The following EYA2 variants were observed in gnomAD, a reference collection of about 807,000 sequenced individuals.
EYA2 encodes EYA transcriptional coactivator and phosphatase 2.
Under a neutral mutation model 69.2 loss-of-function variants are expected in EYA2, and 31 were observed. The ratio of observed to expected loss-of-function variants is 0.45; its 90% CI spans 0.34 to 0.60. The LOEUF (loss-of-function observed/expected upper bound fraction) is 0.60, where lower values mean the gene tolerates loss of function less well. Ranked by LOEUF, EYA2 falls within the 20% of genes least tolerant of loss-of-function variation. EYA2 has a pLI of 0.02. For missense variants in EYA2, 622 were observed against 701.2 expected, an observed-to-expected ratio of 0.89 and a Z score of 1.28; for synonymous variants, 257 against 279.4, an observed-to-expected ratio of 0.92 and a Z score of 0.80.
intron 9 of EYA2, among the ~76,000 whole-genome samples, chr20:47,131,279 G>A (rs984715793): frequency 6.6e-6 from 1 of 151,988 alleles, no homozygotes; most frequent in Non-Finnish European, 1.5e-5. Context: ...TAATATCCTT[G>A]GCACCCCCAA....
chr20:46,897,930 C>CTG (rs139575365), intron 1 of EYA2, among the ~76,000 whole-genome samples: 6 of 151,606 alleles, frequency 4.0e-5, no homozygotes, highest in East Asian at 1.9e-4. Context: ...TAGGTGTATG[C>CTG]TGTGTGTGTG....
At chr20:47,127,381 A>T (rs2033220034) in intron 9 of EYA2, among the ~76,000 whole-genome samples, 2 of 152,140 alleles carry the variant, frequency 1.3e-5, no homozygotes, top group Non-Finnish European at 2.9e-5. Flanking sequence ...AGGCGAGAGG[A>T]TCACCTGAGG....
chr20:47,065,842 TTGTC>T (rs1382327891), intron 5 of EYA2, among the ~76,000 whole-genome samples: 3 of 152,208 alleles, frequency 2.0e-5, no homozygotes, highest in African/African-American at 7.2e-5. Flanking sequence ...CACTGCGTCT[TTGTC>T]TGTCTGGAAT....
chr20:47,055,693 C>T (rs542940995), intron 5 of EYA2, among the ~76,000 whole-genome samples: 4 of 152,320 alleles, frequency 2.6e-5, no homozygotes, highest in South Asian at 2.1e-4. Flanking sequence ...TCTGTCCCCA[C>T]GTCTTCATGA....
At chr20:46,981,640 A>T (rs1980839491) in intron 1 of EYA2, among the ~76,000 whole-genome samples, 1 of 152,234 alleles carries the variant, frequency 6.6e-6, no homozygotes, top group Non-Finnish European at 1.5e-5. Flanking sequence ...TAATTTTGGA[A>T]AAAATAAACT....
intron 1 of EYA2, among the ~76,000 whole-genome samples, chr20:46,959,830 C>G (rs1979364613): frequency 6.6e-6 from 1 of 152,130 alleles, no homozygotes; most frequent in Non-Finnish European, 1.5e-5. Flanking sequence ...CTGTCATTGT[C>G]CTGCACCTGG....
chr20:46,996,052 A>G (rs1178231967), intron 2 of EYA2, among the ~76,000 whole-genome samples: 4 of 152,262 alleles, frequency 2.6e-5, no homozygotes, highest in Admixed American at 2.0e-4. Context: ...TTCTTTGGAA[A>G]GAACATCAAC....
At chr20:47,075,105 C>T (rs1330823001) in intron 7 of EYA2, among the ~76,000 whole-genome samples, 1 of 152,210 alleles carries the variant, frequency 6.6e-6, no homozygotes, top group Non-Finnish European at 1.5e-5. Context: ...GAGTGAAACT[C>T]CATCTCAAAA....
intron 5 of EYA2, among the ~76,000 whole-genome samples, chr20:47,029,095 T>C (rs1294833974): frequency 6.6e-6 from 1 of 152,244 alleles, no homozygotes. Context: ...TTGCTAACTG[T>C]GTTCTCTATC....
chr20:47,024,763 T>G (rs1357492574), intron 5 of EYA2, among the ~76,000 whole-genome samples: 2 of 152,236 alleles, frequency 1.3e-5, no homozygotes, highest in African/African-American at 4.8e-5. Flanking sequence ...TCACTGTCCA[T>G]GCCTAAGGCC....
At chr20:47,095,984 A>G (rs906361240) in intron 8 of EYA2, 5 of 152,250 alleles carry the variant, frequency 3.3e-5, no homozygotes, top group African/African-American at 1.2e-4. Flanking sequence ...GAGGATAGAT[A>G]TCTCCAATAC....
At chr20:47,107,791 G>A (rs1162521191) in intron 9 of EYA2, among the ~76,000 whole-genome samples, 2 of 151,588 alleles carry the variant, frequency 1.3e-5, no homozygotes, top group African/African-American at 4.8e-5. Flanking sequence ...AGAGGAAGAG[G>A]AAGAAGGAAG....
At chr20:47,004,842 G>T in intron 3 of EYA2, 100 bp from the exon 4 acceptor site, 1 of 1,505,288 alleles carries the variant, frequency 6.6e-7, no homozygotes, top group East Asian at 2.3e-5. Flanking sequence ...GCTCTGGAAA[G>T]AGTAGAACCC....
intron 12 of EYA2, among the ~76,000 whole-genome samples, chr20:47,179,010 A>G (rs961305922): frequency 6.6e-6 from 1 of 152,174 alleles, no homozygotes; most frequent in African/African-American, 2.4e-5. Flanking sequence ...TGAGAATGAA[A>G]TAAATCATGT....
chr20:46,901,871 C>G (rs1030126574), intron 1 of EYA2: 1 of 152,316 alleles, frequency 6.6e-6, no homozygotes, highest in Non-Finnish European at 1.5e-5. Context: ...AAGAATGGAG[C>G]CCCGAAGATG....
intron 1 of EYA2, among the ~76,000 whole-genome samples, chr20:46,967,201 C>G (rs897076083): frequency 6.6e-6 from 1 of 152,180 alleles, no homozygotes; most frequent in African/African-American, 2.4e-5. Context: ...GGGGTTTCAC[C>G]ATGTTGGTCA....
At chr20:47,142,963 C>T in intron 9 of EYA2, 96 bp from the exon 10 acceptor site, 6 of 1,138,866 alleles carry the variant, frequency 5.3e-6, no homozygotes, top group Non-Finnish European at 7.5e-6. Context: ...TGAGGAAAAA[C>T]CAAAACTGCT....
chr20:47,046,970 G>A (rs1444402209), intron 5 of EYA2, among the ~76,000 whole-genome samples: 1 of 152,122 alleles, frequency 6.6e-6, no homozygotes, highest in Non-Finnish European at 1.5e-5. Context: ...GTCAGGCTGG[G>A]GTATGATATC....
chr20:46,904,361 TAAAAG>T (rs1298030690), intron 1 of EYA2, among the ~76,000 whole-genome samples: 2 of 149,622 alleles, frequency 1.3e-5, no homozygotes, highest in Non-Finnish European at 3.0e-5. Context: ...AATTTGAAAA[TAAAAG>T]AACACATTTT....
Sources: allele counts gnomAD v4.1 joint callset (sites outside exome capture counted in the v4.1 genomes callset), GRCh38; gene constraint gnomAD v4.1.1; transcripts MANE v1.5; gene names NCBI Gene and HGNC (gene_info 2026-07-23, HGNC 2026-07-21).